The following PDCL3 variants were observed in gnomAD, a reference collection of about 807,000 sequenced individuals.
The protein encoded by PDCL3 is phosducin-like protein 3.
In PDCL3, 22 loss-of-function variants were observed where a neutral mutation model predicts 26.5. The observed-to-expected ratio is 0.83, with a 90% CI of 0.59 to 1.19. The LOEUF is 1.19. Ranked by LOEUF, PDCL3 falls within the 50% of genes most tolerant of loss-of-function variation. The pLI, the probability that PDCL3 is intolerant of heterozygous loss-of-function variation, is 0.00. For missense variants in PDCL3, 246 were observed against 294.1 expected, an observed-to-expected ratio of 0.84 and a Z score of 1.20; for synonymous variants, 81 against 104.9, an observed-to-expected ratio of 0.77 and a Z score of 1.39.
chr2:100,571,903 C>A, intron 5 of PDCL3, 105 bp downstream of exon 5: 1 of 791,698 alleles, frequency 1.3e-6, no homozygotes, highest in South Asian at 1.7e-5. Context: ...GGGTCAAGTT[C>A]ACTTCTGCCT....
intron 5 of PDCL3, among the ~76,000 whole-genome samples, chr2:100,574,973 C>T (rs1675250740): frequency 1.3e-5 from 2 of 152,056 alleles, no homozygotes; most frequent in Admixed American, 6.6e-5. Context: ...TGGTGCACAC[C>T]TGTAGTCTCA....
chr2:100,563,806 A>G (rs890990699), intron 1 of PDCL3, among the ~76,000 whole-genome samples: 3 of 151,846 alleles, frequency 2.0e-5, no homozygotes, highest in Admixed American at 2.0e-4. Flanking sequence ...GTGGTCAGAA[A>G]TTCTAATCTC....
Position 100,571,818 on chromosome 2 carries a change from G to T in PDCL3, c.577+20G>T, listed in dbSNP as rs1675180368. On this transcript the variant is annotated intron_variant, in intron 5 of 5. Coordinates refer to ENST00000264254, the MANE Select transcript of PDCL3 (RefSeq NM_024065.5). Reference sequence around the variant, plus strand: ...GAGATGGTAAGGGCTCTGGGAGACAGGCGGGGCAGTGAGAGATGGGAGGCG... The same window carrying T: ...GAGATGGTAAGGGCTCTGGGAGACATGCGGGGCAGTGAGAGATGGGAGGCG... The T allele has an allele frequency of 6.2e-7, 1 of 1,612,428 alleles. No individual in the cohort carries two copies. The highest frequency in any genetic ancestry group is 8.5e-7 in the Non-Finnish European group (1 of 1,178,600).
In PDCL3 at chr2:100,563,019, G is replaced by A. The variant is rs1295515667; in HGVS notation, c.-49G>A. On this transcript the variant is annotated 5_prime_UTR_variant, in exon 1 of 6. Transcript: ENST00000264254. ...CGCGTGCACAAAAGAGAGCTGAGGGGCGGGGGCGCTGCGGCACAGCTGGTT... is the reference window on the plus strand; with the variant it reads ...CGCGTGCACAAAAGAGAGCTGAGGGACGGGGGCGCTGCGGCACAGCTGGTT... 1.9e-6 allele frequency: 3 copies of A among 1,583,400 alleles called. No homozygotes were observed. The highest frequency in any genetic ancestry group is 2.6e-6 in the Non-Finnish European group (3 of 1,165,398).
chr2:100,572,871 G>A (rs1675206356), intron 5 of PDCL3, among the ~76,000 whole-genome samples: 1 of 151,744 alleles, frequency 6.6e-6, no homozygotes, highest in African/African-American at 2.4e-5. Context: ...AGCTCGGAAG[G>A]ATGTGGTTTT....
intron 1 of PDCL3, chr2:100,563,341 C>G (rs1168751861): frequency 2.3e-6 from 1 of 443,686 alleles, no homozygotes; most frequent in African/African-American, 2.1e-5. Context: ...TCTACCCACC[C>G]GGGCCTGTGA....
chr2:100,572,307 G>A (rs2104396198), intron 5 of PDCL3, among the ~76,000 whole-genome samples: 1 of 152,146 alleles, frequency 6.6e-6, no homozygotes, highest in South Asian at 2.1e-4. Flanking sequence ...TGCCTCCCAG[G>A]TTCAAGTGAT....
chr2:100,571,930 G>T, intron 5 of PDCL3, 132 bp downstream of exon 5: 1 of 850,478 alleles, frequency 1.2e-6, no homozygotes, highest in Non-Finnish European at 1.9e-6. Context: ...GAGGACGGAA[G>T]CACGTTTAAT....
intron 5 of PDCL3, among the ~76,000 whole-genome samples, chr2:100,572,665 G>C (rs188618135): frequency 1.3e-5 from 2 of 151,662 alleles, no homozygotes; most frequent in East Asian, 3.9e-4. Flanking sequence ...TTACAGGCAT[G>C]TGCCAACATG....
intron 2 of PDCL3, among the ~76,000 whole-genome samples, chr2:100,567,525 GAAGCTGGCATTTGGGTA>G (rs1675080403): frequency 6.6e-6 from 1 of 152,200 alleles, no homozygotes; most frequent in Non-Finnish European, 1.5e-5. Context: ...TGAAGGAGGT[GAAGCTGGCATTTGGGTA>G]AAGACCTGAA....
chr2:100,565,556 G>T (rs1385616321), intron 1 of PDCL3, among the ~76,000 whole-genome samples: 1 of 152,000 alleles, frequency 6.6e-6, no homozygotes, highest in Non-Finnish European at 1.5e-5. Context: ...TTACAGGCGT[G>T]AGCCACCGTG....
In PDCL3 at chr2:100,568,883, C is replaced by T. The variant is rs542615057; in HGVS notation, c.134-48C>T. ...AGGGGAAAAAAGAAAAATACATGTTCGTTCATCTTTTTAAATTTTTGCTTT... is the reference window on the plus strand; with the variant it reads ...AGGGGAAAAAAGAAAAATACATGTTTGTTCATCTTTTTAAATTTTTGCTTT... On this transcript the variant is annotated intron_variant, in intron 2 of 5. Transcript: ENST00000264254. 47 of 1,437,342 alleles carry T rather than the reference C, an allele frequency of 3.3e-5. No homozygotes were observed. In the South Asian group the frequency reaches 4.6e-4, roughly 14 times the overall value. 89.0% of individuals were successfully genotyped at this position (1,437,342 alleles called of 1,614,324 possible).
At chr2:100,566,453 C>G (rs1304143347) in intron 1 of PDCL3, 50 bp from the exon 2 acceptor site, 4 of 1,592,160 alleles carry the variant, frequency 2.5e-6, no homozygotes, top group Non-Finnish European at 3.4e-6. Flanking sequence ...AACGTGGCAC[C>G]CTACATACTA....
rs182989172 is a variant in PDCL3, at chr2:100,574,668, G to A, written c.578-1686G>A. ...ATACAATACGTTATTATTCACTGTA[G>A]TTACCATGTTCTACATTAGGTCTTC... On this transcript the variant is annotated intron_variant, in intron 5 of 5. Transcript: ENST00000264254. Among the ~76,000 whole-genome samples, 307 of 152,228 alleles carry A rather than the reference G, an allele frequency of 2.0e-3. 1 individual carries two copies. Among genetic ancestry groups the A allele is most frequent in the African/African-American group, 7.2e-3 (297 of 41,536 alleles).
intron 5 of PDCL3, among the ~76,000 whole-genome samples, chr2:100,574,418 G>C: frequency 6.6e-6 from 1 of 151,556 alleles, no homozygotes; most frequent in Non-Finnish European, 1.5e-5. Flanking sequence ...GAAAATACTG[G>C]TGTTACTCAT....
chr2:100,574,760 C>CT (rs1419548904), intron 5 of PDCL3, among the ~76,000 whole-genome samples: 1 of 152,228 alleles, frequency 6.6e-6, no homozygotes, highest in Non-Finnish European at 1.5e-5. Context: ...CACTCCTCCC[C>CT]TGATAACCAC....
At position 100,568,929 on chromosome 2, in the gene PDCL3, A is replaced by G; in HGVS notation, c.134-2A>G. ...GCTTTTTGCCAATGTAACCAAATTC[A>G]GTGAAAACATATGAAGATATGACTT... On this transcript the variant is annotated splice_acceptor_variant, in intron 2 of 5. Transcript: ENST00000264254. LOFTEE classifies it high-confidence loss of function. 1.2e-6 allele frequency: 2 copies of G among 1,608,732 alleles called. No individual in the cohort carries two copies. Among genetic ancestry groups the G allele is most frequent in the Non-Finnish European group, 1.7e-6 (2 of 1,178,216 alleles).
intron 2 of PDCL3, among the ~76,000 whole-genome samples, chr2:100,567,644 C>T (rs929367941): frequency 1.1e-4 from 17 of 151,982 alleles, no homozygotes; most frequent in African/African-American, 3.6e-4. Context: ...AAGGGGGTGA[C>T]GTGAGCGAGT....
chr2:100,564,484 G>A (rs1212537124), intron 1 of PDCL3, among the ~76,000 whole-genome samples: 2 of 152,052 alleles, frequency 1.3e-5, no homozygotes, highest in African/African-American at 4.8e-5. Context: ...TTTTAGTAGA[G>A]ACAAGGTTTC....
Sources: gnomAD v4.1 joint callset for allele counts (sites outside exome capture counted in the v4.1 genomes callset) on GRCh38, gnomAD v4.1.1 for gene constraint, MANE v1.5 for transcripts, NCBI Gene and HGNC (gene_info 2026-07-23, HGNC 2026-07-21) for gene names.